ANKS1B: variants seen among roughly 807,000 people sequenced by gnomAD.
ANKS1B encodes ankyrin repeat and sterile alpha motif domain-containing protein 1B.
In ANKS1B, 36 loss-of-function variants were observed where a neutral mutation model predicts 148.3. The observed-to-expected ratio is 0.24, with a 90% CI of 0.19 to 0.32. ANKS1B has a LOEUF of 0.32. ANKS1B is among the 10% of genes least tolerant of loss of function. The probability of loss-of-function intolerance (pLI) is 1.00; values close to 1 mark genes in which losing one functional copy is unlikely to be tolerated. For missense variants in ANKS1B, 1,157 were observed against 1,542.6 expected, an observed-to-expected ratio of 0.75 and a Z score of 4.19; for synonymous variants, 542 against 560.8, an observed-to-expected ratio of 0.97 and a Z score of 0.47.
intron 10 of ANKS1B, among the ~76,000 whole-genome samples, chr12:99,474,512 A>AT (rs1595529990): frequency 2.0e-5 from 3 of 152,176 alleles, no homozygotes; most frequent in South Asian, 2.1e-4. Context: ...AGTTAGACAC[A>AT]TTTTTTTAAA....
intron 17 of ANKS1B, among the ~76,000 whole-genome samples, chr12:98,908,763 G>C (rs1178410584): frequency 6.6e-6 from 1 of 152,176 alleles, no homozygotes; most frequent in Admixed American, 6.5e-5. Context: ...CCAAGAGGAA[G>C]GTGGCAAAGA....
chr12:99,555,341 T>C (rs78049170), intron 9 of ANKS1B, among the ~76,000 whole-genome samples: 3,278 of 152,222 alleles, frequency 0.022, 110 homozygotes, highest in South Asian at 0.065. Flanking sequence ...AGCTTTTGGG[T>C]GGAGACTATA....
intron 1 of ANKS1B, among the ~76,000 whole-genome samples, chr12:99,827,206 ATAT>A (rs1374464482): frequency 6.6e-6 from 1 of 152,130 alleles, no homozygotes; most frequent in East Asian, 1.9e-4. Context: ...ATACAATAAA[ATAT>A]TATTCAGCCC....
chr12:99,872,025 C>T (rs10778029), intron 1 of ANKS1B, among the ~76,000 whole-genome samples: 71,590 of 151,852 alleles, frequency 0.47, 17,671 homozygotes, highest in Non-Finnish European at 0.55. Context: ...AACTATTATT[C>T]GTCAAAGACA....
At chr12:99,295,099 T>C (rs1023519213) in intron 12 of ANKS1B, among the ~76,000 whole-genome samples, 3 of 152,120 alleles carry the variant, frequency 2.0e-5, no homozygotes, top group African/African-American at 7.2e-5. Context: ...CATAAAAAAA[T>C]TGGCTGAGTC....
intron 12 of ANKS1B, among the ~76,000 whole-genome samples, chr12:99,389,679 T>C (rs2093992653): frequency 6.6e-6 from 1 of 152,128 alleles, no homozygotes; most frequent in Non-Finnish European, 1.5e-5. Context: ...AGAAGATATA[T>C]ACAGCAATAA....
At chr12:99,819,924 G>C (rs2082307937) in intron 2 of ANKS1B, among the ~76,000 whole-genome samples, 1 of 151,688 alleles carries the variant, frequency 6.6e-6, no homozygotes, top group Admixed American at 6.6e-5. Context: ...AGGGAAGGAA[G>C]GTAGAGAGGA....
chr12:99,701,589 C>T (rs4986684), intron 8 of ANKS1B, among the ~76,000 whole-genome samples: 28,798 of 151,862 alleles, frequency 0.19, 3,216 homozygotes, highest in East Asian at 0.47. Context: ...ATATTATTGC[C>T]GACTACAGAC....
chr12:99,029,161 G>T, intron 17 of ANKS1B, among the ~76,000 whole-genome samples: 1 of 152,240 alleles, frequency 6.6e-6, no homozygotes. Flanking sequence ...CTTAACCAAC[G>T]ATAGGTAATG....
At chr12:99,829,760 G>T (rs2083696350) in intron 1 of ANKS1B, among the ~76,000 whole-genome samples, 1 of 152,160 alleles carries the variant, frequency 6.6e-6, no homozygotes, top group Non-Finnish European at 1.5e-5. Flanking sequence ...AACCTGGGAG[G>T]CAGAGGTTGC....
chr12:99,373,767 T>C (rs933392532), intron 12 of ANKS1B, among the ~76,000 whole-genome samples: 1 of 152,164 alleles, frequency 6.6e-6, no homozygotes, highest in Non-Finnish European at 1.5e-5. Flanking sequence ...ACCAACAAAT[T>C]AGATTTCTTT....
At chr12:99,015,923 T>A (rs2099942278) in intron 17 of ANKS1B, among the ~76,000 whole-genome samples, 1 of 152,014 alleles carries the variant, frequency 6.6e-6, no homozygotes, top group African/African-American at 2.4e-5. Context: ...AGATCTATGG[T>A]CATTCAGTCT....
intron 17 of ANKS1B, among the ~76,000 whole-genome samples, chr12:99,017,585 G>A (rs537097782): frequency 5.9e-5 from 9 of 152,182 alleles, no homozygotes; most frequent in East Asian, 1.9e-4. Context: ...CTCAGCATAC[G>A]AAGACTGTTT....
At position 99,855,655 on chromosome 12, in the gene ANKS1B, G is replaced by T. The variant is rs1052827940; in HGVS notation, c.135-30266C>A. 5.4e-4 allele frequency among the ~76,000 whole-genome samples: 82 copies of T among 152,180 alleles called. 1 individual carries two copies. Among genetic ancestry groups the T allele is most frequent in the African/African-American group, 1.7e-3 (72 of 41,546 alleles). On this transcript the variant is annotated intron_variant, in intron 1 of 26. Transcript: ENST00000683438. ...GAACATTCTCCAAGATAGGCCATAT[G>T]ATAGACCACAAAACAAGTCTCAACA...
At chr12:99,825,167 C>G in intron 2 of ANKS1B, 142 bp downstream of exon 2, 1 of 633,332 alleles carries the variant, frequency 1.6e-6, no homozygotes, top group Admixed American at 2.7e-5. Flanking sequence ...TCTAACTTGT[C>G]AGTGTTGTCA....
chr12:98,845,027 T>C (rs577117838), intron 17 of ANKS1B, among the ~76,000 whole-genome samples: 24 of 152,328 alleles, frequency 1.6e-4, no homozygotes, highest in Admixed American at 1.1e-3. Context: ...GGGAAAGATA[T>C]GGCTGTGCCA....
intron 19 of ANKS1B, among the ~76,000 whole-genome samples, chr12:98,826,398 T>C (rs909744417): frequency 1.3e-5 from 2 of 152,174 alleles, no homozygotes; most frequent in Non-Finnish European, 2.9e-5. Flanking sequence ...ATTAAATTTA[T>C]CTCAATTTAA....
intron 11 of ANKS1B, among the ~76,000 whole-genome samples, chr12:99,433,010 C>T (rs1567091587): frequency 6.6e-6 from 1 of 152,004 alleles, no homozygotes; most frequent in Non-Finnish European, 1.5e-5. Context: ...ATATATGTGG[C>T]CAAGTTACAA....
chr12:99,127,948 GC>G (rs1420416889), intron 15 of ANKS1B, among the ~76,000 whole-genome samples: 3 of 152,162 alleles, frequency 2.0e-5, no homozygotes, highest in Admixed American at 1.3e-4. Context: ...GACACAATGT[GC>G]AAACCAGAAA....
Sources: gnomAD v4.1 joint callset for allele counts (sites outside exome capture counted in the v4.1 genomes callset) on GRCh38, gnomAD v4.1.1 for gene constraint, MANE v1.5 for transcripts, NCBI Gene and HGNC (gene_info 2026-07-23, HGNC 2026-07-21) for gene names.